Variants in CIRBP observed in about 807,000 individuals in gnomAD.
The protein encoded by CIRBP is cold-inducible RNA-binding protein.
Under a neutral mutation model 22.3 loss-of-function variants are expected in CIRBP, and 11 were observed. The observed-to-expected ratio is 0.49, with a 90% CI of 0.31 to 0.82. The LOEUF (loss-of-function observed/expected upper bound fraction) is 0.82. Ranked by LOEUF, CIRBP falls within the 40% of genes least tolerant of loss-of-function variation. The pLI, the probability that CIRBP is intolerant of heterozygous loss-of-function variation, is 0.05. For missense variants in CIRBP, 456 were observed against 402.7 expected (o/e 1.13, Z -1.13); for synonymous variants, 216 against 158.8 (o/e 1.36, Z -2.71).
chr19:1,272,063 T>C lies in CIRBP; in HGVS notation c.514T>C (p.Ser172Pro), dbSNP rs768995229. 10 of 1,614,022 alleles carry C rather than the reference T, an allele frequency of 6.2e-6. No individual in the cohort carries two copies. In the South Asian group the frequency reaches 9.9e-5, roughly 16 times the overall value. Residue 172 changes from serine (S) to proline (P), a missense_variant, in exon 6 of 6, where the codon TCC becomes CCC. By Grantham distance (74) the Ser-to-Pro change is moderately conservative. Transcript: ENST00000587896. ...TTATGACAGTTACGGTAAGTCACAC[T>C]CCGAGGGCGCCACGCTGCTGTGGCC... ...DSYDSYGKSHSEGATLLWPAV... is the reference protein window; with the variant it reads ...DSYDSYGKSHPEGATLLWPAV...
chr19:1,272,202 T>A lies in CIRBP; in HGVS notation c.653T>A (p.Phe218Tyr). The change falls in exon 6 of 6, where the codon TTC becomes TAC. Residue 218 changes from phenylalanine to tyrosine, a missense_variant. Physicochemically the swap from Phe to Tyr is conservative, Grantham distance 22 (BLOSUM62 3). Coordinates refer to ENST00000587896, the MANE Select transcript of CIRBP (RefSeq NM_001300829.2). ...EEAHLSSQSH[F>Y]YRRTQKPNET... ...GCGCATCTGTCCTCTCAGAGCCATTTCTATCGCAGGACGCAAAAGCCAAAT... is the reference window on the plus strand; with the variant it reads ...GCGCATCTGTCCTCTCAGAGCCATTACTATCGCAGGACGCAAAAGCCAAAT... The A allele has an allele frequency of 6.3e-7, 1 of 1,594,802 alleles. No homozygotes were observed. The highest frequency in any genetic ancestry group is 8.5e-7 in the Non-Finnish European group (1 of 1,171,516).
Position 1,273,335 on chromosome 19 carries a change from G to C in CIRBP, c.*892G>C, listed in dbSNP as rs1206233646. The stretch of plus-strand genomic sequence containing the variant: ...AGGCCCAGCAGACTGGCGCTGGTCA[G>C]GGTAGGGGAGCCAGGCGGGGGACGG... On this transcript the variant is annotated 3_prime_UTR_variant, in exon 6 of 6. Transcript: ENST00000587896. 6.6e-6 allele frequency: 1 copy of C among 152,624 alleles called. No homozygotes were observed. Among genetic ancestry groups the C allele is most frequent in the Non-Finnish European group, 1.5e-5 (1 of 68,308 alleles). 9.5% of individuals were successfully genotyped at this position (152,624 alleles called of 1,614,324 possible). A position where few individuals can be genotyped will look rare whatever the true frequency, so the allele number is the denominator to read the frequency against.
chr19:1,270,352 G>C (rs1278765101), intron 1 of CIRBP: 2 of 354,114 alleles, frequency 5.6e-6, no homozygotes, highest in South Asian at 2.1e-5. Flanking sequence ...AGGAGAACCT[G>C]AGAGTGCAGT....
At position 1,271,255 on chromosome 19, in the gene CIRBP, CAG is replaced by C; in HGVS notation, c.210+10_210+11del. 1 of 1,614,006 alleles carries C rather than the reference CAG, an allele frequency of 6.2e-7. No homozygotes were observed. Among genetic ancestry groups the C allele is most frequent in the Non-Finnish European group, 8.5e-7 (1 of 1,179,980 alleles). Reference sequence around the variant, plus strand: ...TGGCCATGAATGGGAAGGTGAGGATCAGGGTGCTGAGCAGGAGTCCCGTCTCG... The same window carrying C: ...TGGCCATGAATGGGAAGGTGAGGATCGGTGCTGAGCAGGAGTCCCGTCTCG... On this transcript the variant is annotated intron_variant, in intron 3 of 5. Transcript: ENST00000587896.
At position 1,272,039 on chromosome 19, in the gene CIRBP, TA is replaced by T; in HGVS notation, c.491del (p.Tyr164LeufsTer32). On this transcript the variant is annotated frameshift_variant, in exon 6 of 6. Transcript: ENST00000587896. LOFTEE classifies it low-confidence loss of function (END_TRUNC). ...CTCGGGCGGGTCCTACAGAGACAGT[TA>T]TGACAGTTACGGTAAGTCACACTCC... ...RSSGGSYRDS[Y>X]DSYGKSHSEG... is the part of the protein sequence containing the mutation. 1 of 1,614,016 alleles carries T rather than the reference TA, an allele frequency of 6.2e-7. No homozygotes were observed. Among genetic ancestry groups the T allele is most frequent in the Non-Finnish European group, 8.5e-7 (1 of 1,179,920 alleles).
At chr19:1,271,691 G>A (rs915622626) in intron 5 of CIRBP, 59 bp downstream of exon 5, 19 of 1,117,510 alleles carry the variant, frequency 1.7e-5, no homozygotes, top group Admixed American at 5.0e-5. Context: ...CTTCCGTCCC[G>A]GGTCCCAGGT....
rs751161987 is a variant in CIRBP at position 1,271,676 on chromosome 19, G to A, written c.431+44G>A. 3.9e-5 allele frequency: 49 copies of A among 1,240,692 alleles called. 1 individual carries two copies. Among genetic ancestry groups the A allele is most frequent in the South Asian group, 3.6e-4 (27 of 75,444 alleles). The allele number at this position is 1,240,692 out of a possible 1,614,324, so 76.9% of individuals were successfully genotyped here. A position where few individuals can be genotyped will look rare whatever the true frequency, so the allele number is the denominator to read the frequency against. ...CAAGCACAGGGGTGGTTGCGGGATG[G>A]CCAGCTTCCGTCCCGGGTCCCAGGT... On this transcript the variant is annotated intron_variant, in intron 5 of 5. Transcript: ENST00000587896.
downstream of CIRBP, chr19:1,274,823 G>A (rs533893690): frequency 2.7e-3 from 408 of 153,008 alleles, 2 homozygotes; most frequent in Non-Finnish European, 4.2e-3. Context: ...CGAGTCTGTG[G>A]TTCAGGGGGG....
At chr19:1,269,586 C>A (rs868535143) in intron 1 of CIRBP, among the ~76,000 whole-genome samples, 176 bp downstream of exon 1, 2 of 151,518 alleles carry the variant, frequency 1.3e-5, no homozygotes, top group African/African-American at 4.8e-5. Flanking sequence ...GCCAGAGGGC[C>A]TCTCCCCGCC....
chr19:1,272,820 A>T lies in CIRBP; in HGVS notation c.*377A>T, dbSNP rs537023059. 7 of 167,954 alleles carry T rather than the reference A, an allele frequency of 4.2e-5. No homozygotes were observed. In the East Asian group the frequency reaches 1.2e-3, roughly 29 times the overall value. 10.4% of individuals were successfully genotyped at this position (167,954 alleles called of 1,614,324 possible). A position where few individuals can be genotyped will look rare whatever the true frequency, so the allele number is the denominator to read the frequency against. Reference sequence around the variant, plus strand: ...GTTGGCCCCATGAAGTGGGTGCCCCACTCACTTCTCTGAGATCGAACGGAC... The same window carrying T: ...GTTGGCCCCATGAAGTGGGTGCCCCTCTCACTTCTCTGAGATCGAACGGAC... On this transcript the variant is annotated 3_prime_UTR_variant, in exon 6 of 6. Transcript: ENST00000587896.
rs1393951872 is a variant in CIRBP at position 1,271,330 on chromosome 19, C to T, written c.212C>T (p.Ser71Phe). 6.2e-7 allele frequency: 1 copy of T among 1,614,072 alleles called. No homozygotes were observed. The highest frequency in any genetic ancestry group is 8.5e-7 in the Non-Finnish European group (1 of 1,180,046). Residue 71 changes from serine (S) to phenylalanine (F), a missense_variant and splice_region_variant, in exon 4 of 6, where the codon TCT becomes TTT. Physicochemically the swap from Ser to Phe is radical, Grantham distance 155. Around this residue, in one of 2 missense-constraint regions of CIRBP, gnomAD observed 426 missense variants for 339.6 expected, o/e 1.25. Transcript: ENST00000587896. ...KDAMMAMNGKSVDGRQIRVDQ... is the reference protein window; with the variant it reads ...KDAMMAMNGKFVDGRQIRVDQ... ...ACCCGTCCCGCCCTCTGTCTCCAGT[C>T]TGTAGATGGACGGCAGATCCGAGTA...
chr19:1,271,305 A>G lies in CIRBP; in HGVS notation c.211-24A>G, dbSNP rs377614424. ...TCGAGGATGGGGCACCCACCTGCTA[A>G]CCCGTCCCGCCCTCTGTCTCCAGTC... On this transcript the variant is annotated intron_variant, in intron 3 of 5. Coordinates refer to ENST00000587896, the MANE Select transcript of CIRBP (RefSeq NM_001300829.2). The G allele has an allele frequency of 2.2e-5, 35 of 1,613,836 alleles. No homozygotes were observed. In the African/African-American group the frequency reaches 3.6e-4, roughly 17 times the overall value.
chr19:1,271,075 G>C, intron 2 of CIRBP, 39 bp downstream of exon 2: 1 of 1,610,078 alleles, frequency 6.2e-7, no homozygotes, highest in East Asian at 2.2e-5. Flanking sequence ...GGGCGGGGGG[G>C]CTTGTGCTCC....
intron 2 of CIRBP, 23 bp downstream of exon 2, chr19:1,271,059 G>A (rs370096401): frequency 3.5e-5 from 57 of 1,611,456 alleles, no homozygotes; most frequent in Non-Finnish European, 4.5e-5. Flanking sequence ...CTGGGCCCGC[G>A]GCCCTGGGCG....
rs1258255318 is a variant in CIRBP at position 1,272,133 on chromosome 19, T to G, written c.584T>G (p.Leu195Ter). The part of the protein sequence containing the change: ...RFTLVPSPST[L>*]GWTLRPCHCA... ...ACCTTGGTGCCCTCTCCAAGCACTT[T>G]AGGCTGGACACTCAGACCTTGTCAC... Residue 195 changes from leucine to a stop codon, truncating the protein, a stop_gained, in exon 6 of 6, where the codon TTA (leucine) becomes TGA (stop). Transcript: ENST00000587896. LOFTEE classifies it low-confidence loss of function (END_TRUNC). The G allele has an allele frequency of 6.2e-7, 1 of 1,613,284 alleles. No individual in the cohort carries two copies. Among genetic ancestry groups the G allele is most frequent in the South Asian group, 1.1e-5 (1 of 91,066 alleles).
chr19:1,271,610 G>T lies in CIRBP; in HGVS notation c.409G>T (p.Gly137Cys). The change falls in exon 5 of 6, where the codon GGC becomes TGC. Residue 137 changes from glycine to cysteine, a missense_variant. This residue lies in a region of CIRBP where 426 missense variants were observed against 339.6 expected (regional missense o/e 1.25). Transcript: ENST00000587896. ...CGAGTCCAGGAGTGGGGGCTACGGA[G>T]GCTCCAGAGACTACTATAGCAGGTG... ...RFESRSGGYG[G>C]SRDYYSSRSQ... 1 of 1,558,702 alleles carries T rather than the reference G, an allele frequency of 6.4e-7. No individual in the cohort carries two copies. The highest frequency in any genetic ancestry group is 1.4e-5 in the African/African-American group (1 of 72,444).
Position 1,272,094 on chromosome 19 carries a change from T to C in CIRBP, c.545T>C (p.Val182Ala), listed in dbSNP as rs757038782. Residue 182 changes from valine to alanine, a missense_variant, in exon 6 of 6, where the codon GTG becomes GCG. Around this residue, in one of 2 missense-constraint regions of CIRBP, gnomAD observed 426 missense variants for 339.6 expected, o/e 1.25. Coordinates refer to ENST00000587896, the MANE Select transcript of CIRBP (RefSeq NM_001300829.2). The part of the protein sequence containing the change: ...SEGATLLWPA[V>A]GARFTLVPSP... ...GGCGCCACGCTGCTGTGGCCTGCGGTGGGAGCTCGGTTCACCTTGGTGCCC... is the reference window on the plus strand; with the variant it reads ...GGCGCCACGCTGCTGTGGCCTGCGGCGGGAGCTCGGTTCACCTTGGTGCCC... The C allele has an allele frequency of 6.2e-7, 1 of 1,614,078 alleles. No individual in the cohort carries two copies. Among genetic ancestry groups the C allele is most frequent in the South Asian group, 1.1e-5 (1 of 91,088 alleles).
In CIRBP at chr19:1,274,120, G is replaced by C; in HGVS notation, c.*1677G>C. 2.6e-6 allele frequency: 1 copy of C among 391,298 alleles called. No individual in the cohort carries two copies. Among genetic ancestry groups the C allele is most frequent in the Non-Finnish European group, 4.5e-6 (1 of 221,860 alleles). 24.2% of individuals were successfully genotyped at this position (391,298 alleles called of 1,614,324 possible). A position where few individuals can be genotyped will look rare whatever the true frequency, so the allele number is the denominator to read the frequency against. On this transcript the variant is annotated 3_prime_UTR_variant, in exon 6 of 6. Transcript: ENST00000587896. The stretch of plus-strand genomic sequence containing the variant: ...CACATAGCTCCATCCCATACGGGTA[G>C]CTGGCTCCAGCTGCGCCAAGGTGCA...
Position 1,272,549 on chromosome 19 carries a change from C to A in CIRBP, c.*106C>A. 1.0e-6 allele frequency: 1 copy of A among 993,742 alleles called. No individual in the cohort carries two copies. Among genetic ancestry groups the A allele is most frequent in the Non-Finnish European group, 1.5e-6 (1 of 663,526 alleles). 61.6% of individuals were successfully genotyped at this position (993,742 alleles called of 1,614,324 possible). A position where few individuals can be genotyped will look rare whatever the true frequency, so the allele number is the denominator to read the frequency against. Reference sequence around the variant, plus strand: ...GTAAATGCACCTCCTTGTATTCCCACTTTCGTAGTCATTTCGGTTCTGATC... The same window carrying A: ...GTAAATGCACCTCCTTGTATTCCCAATTTCGTAGTCATTTCGGTTCTGATC... On this transcript the variant is annotated 3_prime_UTR_variant, in exon 6 of 6. Transcript: ENST00000587896.
Sources: allele counts gnomAD v4.1 joint callset (sites outside exome capture counted in the v4.1 genomes callset), GRCh38; gene constraint gnomAD v4.1.1; regional missense constraint gnomAD v4.1.1; transcripts MANE v1.5; gene names NCBI Gene and HGNC (gene_info 2026-07-23, HGNC 2026-07-21).